Variants in GRID2IP observed in about 807,000 individuals in gnomAD.
GRID2IP encodes the protein delphilin.
In GRID2IP, 78 loss-of-function variants were observed where a neutral mutation model predicts 114.3. The ratio of observed to expected loss-of-function variants is 0.68; its 90% CI spans 0.57 to 0.82. The LOEUF (loss-of-function observed/expected upper bound fraction) is 0.82. GRID2IP is among the 40% of genes least tolerant of loss of function. The probability of loss-of-function intolerance (pLI) is 0.00; values close to 1 mark genes in which losing one functional copy is unlikely to be tolerated. For synonymous variants in GRID2IP, 809 were observed against 724.0 expected (o/e 1.12, Z -1.89); for missense variants, 1,727 against 1,678.5 (o/e 1.03, Z -0.51).
chr7:6,541,669 G>C (rs367764872), intron 1 of GRID2IP, among the ~76,000 whole-genome samples: 2 of 152,210 alleles, frequency 1.3e-5, no homozygotes, highest in South Asian at 4.1e-4. Context: ...AAATGCACAC[G>C]TTGGAAACGA....
At chr7:6,549,273 C>A (rs1297932955) in intron 1 of GRID2IP, among the ~76,000 whole-genome samples, 1 of 152,232 alleles carries the variant, frequency 6.6e-6, no homozygotes, top group African/African-American at 2.4e-5. Flanking sequence ...TCTATCCTCC[C>A]TCTTTCCATC....
Position 6,520,730 on chromosome 7 carries a change from C to G in GRID2IP, c.1116G>C (p.Ser372=). The change falls in exon 7 of 22, where the codon TCG becomes TCC. Residue 372 remains serine, a synonymous_variant. Coordinates refer to ENST00000457091, the MANE Select transcript of GRID2IP (RefSeq NM_001145118.2). The surrounding 1 kb of genome is among the most constrained non-coding windows in gnomAD (Gnocchi z 4.6). The part of the protein sequence containing the change: ...DSDSLDSPNP[S]SALTSLQWVA... ...CCCACTGCAGGGAGGTGAGCGCCGA[C>G]GACGGGTTGGGTGAGTCCAGAGAAT... The G allele has an allele frequency of 6.4e-7, 1 of 1,551,558 alleles. No individual in the cohort carries two copies. The highest frequency in any genetic ancestry group is 8.7e-7 in the Non-Finnish European group (1 of 1,146,900).
At chr7:6,515,552 C>A (rs911394385) in intron 7 of GRID2IP, among the ~76,000 whole-genome samples, 1 of 151,040 alleles carries the variant, frequency 6.6e-6, no homozygotes, top group Non-Finnish European at 1.5e-5. Flanking sequence ...CTGAGGCAGG[C>A]GAATCATCTG....
chr7:6,502,574 T>C (rs1211030181), intron 18 of GRID2IP, among the ~76,000 whole-genome samples: 2 of 151,670 alleles, frequency 1.3e-5, no homozygotes, highest in Non-Finnish European at 1.5e-5. Flanking sequence ...TTTTTCCAGA[T>C]CCTGGGAGTG....
At position 6,529,732 on chromosome 7, in the gene GRID2IP, C is replaced by T. The variant is rs79629125; in HGVS notation, c.585-2963G>A. 2.0e-5 allele frequency among the ~76,000 whole-genome samples: 3 copies of T among 152,262 alleles called. No individual in the cohort carries two copies. The South Asian group carries it at 6.2e-4, about 32-fold the overall frequency. Reference sequence around the variant, plus strand: ...ACTATTACCACCAGTCACTATCCCCCCTGAGTGGCAGTCCAGCAATCACTG... The same window carrying T: ...ACTATTACCACCAGTCACTATCCCCTCTGAGTGGCAGTCCAGCAATCACTG... On this transcript the variant is annotated intron_variant, in intron 2 of 21. Transcript: ENST00000457091.
Position 6,521,574 on chromosome 7 carries a change from A to G in GRID2IP, c.990-51T>C. The G allele has an allele frequency of 7.3e-7, 1 of 1,362,284 alleles. No individual in the cohort carries two copies. The allele number at this position is 1,362,284 out of a possible 1,614,324, so 84.4% of individuals were successfully genotyped here. ...GGCCTGACTGGGGTGAGCCCTGTCC[A>G]CGGCCACCAGCCAGACCTCCCTGTC... On this transcript the variant is annotated intron_variant, in intron 5 of 21. Transcript: ENST00000457091. The surrounding 1 kb of genome is among the most constrained non-coding windows in gnomAD (Gnocchi z 4.1).
At position 6,521,900 on chromosome 7, in the gene GRID2IP, C is replaced by T. The variant is rs962796047; in HGVS notation, c.977G>A (p.Gly326Glu). Residue 326 changes from glycine (G) to glutamate (E), a missense_variant, in exon 5 of 22, where the codon GGA becomes GAA. Transcript: ENST00000457091. This position sits in a 1 kb window ranked among gnomAD's most constrained non-coding sequence, Gnocchi z 4.1. ...AATAGCCTCTGACCTCATGTCCAGT[C>T]CATTGAGGAAGAGGATCCGGTCACC... ...KSGDRILFLNGLDMRNCSHDK... is the reference protein window; with the variant it reads ...KSGDRILFLNELDMRNCSHDK... The T allele has an allele frequency of 3.2e-6, 5 of 1,551,028 alleles. No individual in the cohort carries two copies. Among genetic ancestry groups the T allele is most frequent in the Non-Finnish European group, 4.4e-6 (5 of 1,146,602 alleles).
intron 1 of GRID2IP, among the ~76,000 whole-genome samples, chr7:6,550,040 G>C (rs1261768812): frequency 7.7e-6 from 1 of 130,534 alleles, no homozygotes; most frequent in Non-Finnish European, 1.9e-5. Context: ...ACCCAGGCTG[G>C]AATGCAGTGG....
Position 6,510,362 on chromosome 7 carries a change from G to A in GRID2IP, c.1692C>T (p.Asn564=), listed in dbSNP as rs564409495. 5 of 1,547,028 alleles carry A rather than the reference G, an allele frequency of 3.2e-6. No homozygotes were observed. Among genetic ancestry groups the A allele is most frequent in the Non-Finnish European group, 4.4e-6 (5 of 1,144,894 alleles). The part of the protein sequence containing the change: ...AVYAELESRL[N]SSFKGKMGTV... ...TCCCCATCTTCCCTTTGAAGCTGCT[G>A]TTCAGTCGAGACTCAAGCTCTGCAT... The change falls in exon 11 of 22, where the codon AAC becomes AAT. Residue 564 remains asparagine, a synonymous_variant. Coordinates refer to ENST00000457091, the MANE Select transcript of GRID2IP (RefSeq NM_001145118.2).
chr7:6,521,811 T>C lies in GRID2IP; in HGVS notation c.989+77A>G. On this transcript the variant is annotated intron_variant, in intron 5 of 21. Transcript: ENST00000457091. This position sits in a 1 kb window ranked among gnomAD's most constrained non-coding sequence, Gnocchi z 4.1. The stretch of plus-strand genomic sequence containing the variant: ...GAGGAGATTGTGATCACAGCCTGGG[T>C]GCCCCAAGAGGCAGGAGTCTTGCAG... 9.2e-7 allele frequency: 1 copy of C among 1,082,206 alleles called. No homozygotes were observed. Among genetic ancestry groups the C allele is most frequent in the African/African-American group, 1.6e-5 (1 of 64,152 alleles). 67.0% of individuals were successfully genotyped at this position (1,082,206 alleles called of 1,614,324 possible). A position where few individuals can be genotyped will look rare whatever the true frequency, so the allele number is the denominator to read the frequency against.
Position 6,526,069 on chromosome 7 carries a change from T to C in GRID2IP, c.919+155A>G, listed in dbSNP as rs1163580614. Reference sequence around the variant, plus strand: ...TTCAGATCTGCTGGCTCTGGGACACTCTGGGGACACGGTCTACACAAGGAT... The same window carrying C: ...TTCAGATCTGCTGGCTCTGGGACACCCTGGGGACACGGTCTACACAAGGAT... On this transcript the variant is annotated intron_variant, in intron 4 of 21. Transcript: ENST00000457091. This position sits in a 1 kb window ranked among gnomAD's most constrained non-coding sequence, Gnocchi z 7.6. 6.6e-6 allele frequency among the ~76,000 whole-genome samples: 1 copy of C among 151,966 alleles called. No homozygotes were observed. Among genetic ancestry groups the C allele is most frequent in the Non-Finnish European group, 1.5e-5 (1 of 67,984 alleles).
chr7:6,501,282 C>T (rs1786407092), intron 20 of GRID2IP, among the ~76,000 whole-genome samples: 2 of 152,038 alleles, frequency 1.3e-5, no homozygotes, highest in Admixed American at 6.6e-5. Context: ...ACCTGGGAGG[C>T]GGAGGCTGCA....
At position 6,510,989 on chromosome 7, in the gene GRID2IP, G is replaced by A; in HGVS notation, c.1474C>T (p.Gln492Ter). ...GAAGCCCGCAGGGAGCTCCGCGGCTGGGGCTCAGGCGTGGGCTCGGACTCC... is the reference window on the plus strand; with the variant it reads ...GAAGCCCGCAGGGAGCTCCGCGGCTAGGGCTCAGGCGTGGGCTCGGACTCC... Reference protein sequence around the residue: ...DLESEPTPEPQPRSSLRASSM... With the variant: ...DLESEPTPEP The change falls in exon 9 of 22, where the codon CAG (glutamine) becomes TAG (stop). Residue 492 changes from glutamine to a stop codon, truncating the protein, a stop_gained. Coordinates refer to ENST00000457091, the MANE Select transcript of GRID2IP (RefSeq NM_001145118.2). LOFTEE classifies it high-confidence loss of function. 1 of 1,539,990 alleles carries A rather than the reference G, an allele frequency of 6.5e-7. No homozygotes were observed. Among genetic ancestry groups the A allele is most frequent in the Non-Finnish European group, 8.8e-7 (1 of 1,141,418 alleles).
In GRID2IP at chr7:6,519,071, A is replaced by C. The variant is rs1779365659; in HGVS notation, c.1268+1507T>G. Among the ~76,000 whole-genome samples the C allele has an allele frequency of 6.6e-6, 1 of 151,872 alleles. No homozygotes were observed. Among genetic ancestry groups the C allele is most frequent in the Admixed American group, 6.6e-5 (1 of 15,242 alleles). Reference sequence around the variant, plus strand: ...GTAGCTGGAACTACAGGTGCGCACCACCATGCCCAGCTAATTTTTTCTTTT... The same window carrying C: ...GTAGCTGGAACTACAGGTGCGCACCCCCATGCCCAGCTAATTTTTTCTTTT... On this transcript the variant is annotated intron_variant, in intron 7 of 21. Transcript: ENST00000457091. This position sits in a 1 kb window ranked among gnomAD's most constrained non-coding sequence, Gnocchi z 4.1.
At chr7:6,548,181 T>C (rs1005354239) in intron 1 of GRID2IP, among the ~76,000 whole-genome samples, 1 of 151,740 alleles carries the variant, frequency 6.6e-6, no homozygotes, top group Non-Finnish European at 1.5e-5. Flanking sequence ...AGTGAAACCG[T>C]GTCTCTACTA....
At position 6,526,202 on chromosome 7, in the gene GRID2IP, G is replaced by C; in HGVS notation, c.919+22C>G. Reference sequence around the variant, plus strand: ...CCATCCTGGGCCTTAGGGACTCTTAGGGCAACCGGCCCACCCCTCACCAGG... The same window carrying C: ...CCATCCTGGGCCTTAGGGACTCTTACGGCAACCGGCCCACCCCTCACCAGG... On this transcript the variant is annotated intron_variant, in intron 4 of 21. Transcript: ENST00000457091. The surrounding 1 kb of genome is among the most constrained non-coding windows in gnomAD (Gnocchi z 7.6). The C allele has an allele frequency of 1.3e-6, 2 of 1,547,476 alleles. No homozygotes were observed. Among genetic ancestry groups the C allele is most frequent in the Non-Finnish European group, 1.7e-6 (2 of 1,143,292 alleles).
chr7:6,531,208 G>T, intron 2 of GRID2IP: 1 of 446,956 alleles, frequency 2.2e-6, no homozygotes, highest in Non-Finnish European at 4.0e-6. Flanking sequence ...CCCTGCGAGC[G>T]CGCGCGGCCC....
chr7:6,551,320 A>T lies in GRID2IP; in HGVS notation c.117T>A (p.His39Gln), dbSNP rs780585667. ...GGTCTCCTGGCCGCAGTCCTCCGGC[A>T]TGCGCGCTGCTCCCCTTGGCCACCT... ...VLEVAKGSSA[H>Q]AGGLRPGDQI... The change falls in exon 1 of 22, where the codon CAT (histidine) becomes CAA (glutamine). Residue 39 changes from histidine (H) to glutamine (Q), a missense_variant. By Grantham distance (24) the His-to-Gln change is conservative. Transcript: ENST00000457091. 2 of 1,546,116 alleles carry T rather than the reference A, an allele frequency of 1.3e-6. No individual in the cohort carries two copies. The highest frequency in any genetic ancestry group is 8.7e-7 in the Non-Finnish European group (1 of 1,146,584).
At chr7:6,500,647 G>A (rs148390712) in intron 20 of GRID2IP, among the ~76,000 whole-genome samples, 32 of 152,360 alleles carry the variant, frequency 2.1e-4, no homozygotes, top group Non-Finnish European at 3.7e-4. Context: ...ATGTGCTGCA[G>A]TCAGAGGAAT....
Sources: gnomAD v4.1 joint callset for allele counts (sites outside exome capture counted in the v4.1 genomes callset) on GRCh38, gnomAD v4.1.1 for gene constraint, Gnocchi (gnomAD v3.1) non-coding constraint, MANE v1.5 for transcripts, NCBI Gene and HGNC (gene_info 2026-07-23, HGNC 2026-07-21) for gene names.